Variants in RASSF3 observed in about 807,000 individuals in gnomAD.
RASSF3 encodes ras association domain-containing protein 3.
Under a neutral mutation model 19.9 loss-of-function variants are expected in RASSF3, and 19 were observed. The observed-to-expected ratio is 0.96, with a 90% CI of 0.67 to 1.40. The LOEUF is 1.40. RASSF3 is among the 40% of genes most tolerant of loss of function. The pLI is 0.00. For missense variants in RASSF3, 306 were observed against 289.8 expected (o/e 1.06, Z -0.41); for synonymous variants, 110 against 104.2 (o/e 1.06, Z -0.34).
At chr12:64,629,298 G>A (rs1444514937) in intron 1 of RASSF3, among the ~76,000 whole-genome samples, 8 of 151,656 alleles carry the variant, frequency 5.3e-5, no homozygotes, top group South Asian at 2.1e-4. Context: ...TGTAGAGATG[G>A]GGTTTCACAG....
intron 1 of RASSF3, among the ~76,000 whole-genome samples, chr12:64,649,573 T>C (rs1303260056): frequency 6.6e-6 from 1 of 152,152 alleles, no homozygotes; most frequent in Non-Finnish European, 1.5e-5. Context: ...GTGAGGAAAA[T>C]GGTCCTAGGG....
At chr12:64,610,380 G>GA (rs1870295597), upstream of RASSF3, 1 of 149,922 alleles carries the variant, frequency 6.7e-6, no homozygotes, top group South Asian at 2.1e-4. Flanking sequence ...GCGGGGTGGG[G>GA]CTCGGCCGGT....
chr12:64,659,390 C>A (rs1391708988), intron 1 of RASSF3, among the ~76,000 whole-genome samples: 1 of 152,062 alleles, frequency 6.6e-6, no homozygotes. Context: ...CAGAGCAAAC[C>A]GACAAACATG....
chr12:64,556,446 C>T (rs1389885307), intron 2 of RASSF3, among the ~76,000 whole-genome samples: 1 of 152,104 alleles, frequency 6.6e-6, no homozygotes, highest in Admixed American at 6.6e-5. Flanking sequence ...GGGTGTAATC[C>T]TGCATCTGGC....
chr12:64,665,536 G>A (rs918740037), intron 1 of RASSF3, among the ~76,000 whole-genome samples: 2 of 152,142 alleles, frequency 1.3e-5, no homozygotes, highest in African/African-American at 2.4e-5. Context: ...AAACAGGGAA[G>A]AGGTGAAAGC....
chr12:64,516,379 G>C (rs984948064), intron 1 of RASSF3, among the ~76,000 whole-genome samples: 1 of 152,100 alleles, frequency 6.6e-6, no homozygotes, highest in African/African-American at 2.4e-5. Flanking sequence ...CAGCACTTTG[G>C]GAGGCCGAGG....
chr12:64,653,465 T>A (rs1872037121), intron 1 of RASSF3, among the ~76,000 whole-genome samples: 1 of 152,282 alleles, frequency 6.6e-6, no homozygotes, highest in South Asian at 2.1e-4. Context: ...CTTGATGACC[T>A]CTATAAAGAC....
At position 64,605,484 on chromosome 12, in the gene RASSF3, A is replaced by G. The variant is rs150290974; in HGVS notation, c.294+63779A>G. ...TGTCTCTACTGATTCTACCAATGTCAATGGAGGAGAACAGAACGTGGCAGA... is the reference window on the plus strand; with the variant it reads ...TGTCTCTACTGATTCTACCAATGTCGATGGAGGAGAACAGAACGTGGCAGA... On this transcript the variant is annotated intron_variant, in intron 2 of 5. Coordinates refer to the RASSF3 transcript ENST00000637125. Among the ~76,000 whole-genome samples, 919 of 152,236 alleles carry G rather than the reference A, an allele frequency of 6.0e-3. 10 individuals carry two copies. Among genetic ancestry groups the G allele is most frequent in the African/African-American group, 0.021 (873 of 41,526 alleles).
chr12:64,571,355 C>T (rs2136130338), intron 2 of RASSF3, among the ~76,000 whole-genome samples: 1 of 152,298 alleles, frequency 6.6e-6, no homozygotes, highest in Non-Finnish European at 1.5e-5. Context: ...GTCGCTTTTT[C>T]AGGACATGGA....
chr12:64,559,954 G>C (rs760388891), intron 2 of RASSF3, among the ~76,000 whole-genome samples: 5 of 152,232 alleles, frequency 3.3e-5, no homozygotes, highest in Non-Finnish European at 7.3e-5. Context: ...TGGCTTGGGA[G>C]ACAGTAGAGG....
intron 3 of RASSF3, among the ~76,000 whole-genome samples, chr12:64,690,132 C>A (rs1868260002): frequency 6.6e-6 from 1 of 150,814 alleles, no homozygotes; most frequent in African/African-American, 2.4e-5. Flanking sequence ...GCTTTTAGAA[C>A]TCTTGTTTTT....
intron 2 of RASSF3, among the ~76,000 whole-genome samples, chr12:64,581,597 C>T (rs1147102): frequency 0.52 from 79,380 of 151,570 alleles, 21,195 homozygotes; most frequent in Non-Finnish European, 0.56. Context: ...TGTATGCCTG[C>T]GGTTCCAGCT....
chr12:64,517,821 G>A lies in RASSF3; in HGVS notation c.169+10492G>A, dbSNP rs1868394530. Among the ~76,000 whole-genome samples the A allele has an allele frequency of 4.6e-5, 7 of 151,952 alleles. No homozygotes were observed. In the South Asian group the frequency reaches 1.2e-3, roughly 27 times the overall value. On this transcript the variant is annotated intron_variant, in intron 1 of 5. Coordinates refer to the RASSF3 transcript ENST00000637125. ...TTTTGTAGAGATGGGGTCTCACTATGTTGCCCAGGCTGGTCTTGAACTCCT... is the reference window on the plus strand; with the variant it reads ...TTTTGTAGAGATGGGGTCTCACTATATTGCCCAGGCTGGTCTTGAACTCCT...
rs918444931 is a variant in RASSF3, at chr12:64,684,964, CTATAGTTCTA to C, written c.219+71_219+80del. 6 of 880,596 alleles carry C rather than the reference CTATAGTTCTA, an allele frequency of 6.8e-6. No homozygotes were observed. The African/African-American group carries it at 9.9e-5, about 15-fold the overall frequency. The allele number at this position is 880,596 out of a possible 1,614,324, so 54.5% of individuals were successfully genotyped here. A position where few individuals can be genotyped will look rare whatever the true frequency, so the allele number is the denominator to read the frequency against. On this transcript the variant is annotated intron_variant, in intron 2 of 4. Coordinates refer to ENST00000542104, the MANE Select transcript of RASSF3 (RefSeq NM_178169.4). Reference sequence around the variant, plus strand: ...AAATATAAATTGTTGGTACTACAATCTATAGTTCTAAATATCTGAATAGCATTTGTAGAAG... The same window carrying C: ...AAATATAAATTGTTGGTACTACAATCAATATCTGAATAGCATTTGTAGAAG...
chr12:64,680,699 C>T (rs538010690), intron 1 of RASSF3, among the ~76,000 whole-genome samples: 6 of 151,876 alleles, frequency 4.0e-5, no homozygotes, highest in Non-Finnish European at 7.4e-5. Flanking sequence ...CTGCGATCTC[C>T]GCCTCCCGGT....
intron 2 of RASSF3, among the ~76,000 whole-genome samples, chr12:64,582,256 T>C (rs575745430): frequency 6.6e-6 from 1 of 152,176 alleles, no homozygotes; most frequent in Non-Finnish European, 1.5e-5. Context: ...CTTTCCCTTG[T>C]AGATCTTTCA....
At chr12:64,552,984 G>A (rs1416618499) in intron 2 of RASSF3, among the ~76,000 whole-genome samples, 1 of 152,104 alleles carries the variant, frequency 6.6e-6, no homozygotes, top group Non-Finnish European at 1.5e-5. Context: ...GCCAAGGCGG[G>A]TGGATCACGA....
At chr12:64,519,674 G>A (rs978524225) in intron 1 of RASSF3, among the ~76,000 whole-genome samples, 1 of 151,794 alleles carries the variant, frequency 6.6e-6, no homozygotes. Context: ...ACCTGAAGTT[G>A]GGACAGGGAA....
chr12:64,592,547 T>C (rs1364871251), intron 2 of RASSF3, among the ~76,000 whole-genome samples: 3 of 152,232 alleles, frequency 2.0e-5, no homozygotes, highest in African/African-American at 7.2e-5. Context: ...GTCTTGCAAT[T>C]GTACCATTTT....
Sources: gnomAD v4.1 joint callset for allele counts (sites outside exome capture counted in the v4.1 genomes callset) on GRCh38, gnomAD v4.1.1 for gene constraint, MANE v1.5 for transcripts, NCBI Gene and HGNC (gene_info 2026-07-23, HGNC 2026-07-21) for gene names.